C1orf185: variants seen among roughly 807,000 people sequenced by gnomAD.
The protein encoded by C1orf185 is chromosome 1 open reading frame 185.
C1orf185 carries 13 observed loss-of-function variants against 16.1 expected under a neutral mutation model. That is an observed-to-expected ratio of 0.81 (90% CI 0.53 to 1.28). The LOEUF (loss-of-function observed/expected upper bound fraction) is 1.28. Among genes scored for constraint, C1orf185 ranks in the 50% most tolerant of loss-of-function variants. The probability of loss-of-function intolerance (pLI) is 0.00; values close to 1 mark genes in which losing one functional copy is unlikely to be tolerated. For missense variants in C1orf185, 220 were observed against 225.2 expected (o/e 0.98, Z 0.15); for synonymous variants, 80 against 76.9 (o/e 1.04, Z -0.21).
chr1:51,147,651 A>G lies in C1orf185; in HGVS notation c.480A>G (p.Leu160=), dbSNP rs1570326326. 6.4e-7 allele frequency: 1 copy of G among 1,551,560 alleles called. No homozygotes were observed. Among genetic ancestry groups the G allele is most frequent in the Non-Finnish European group, 8.7e-7 (1 of 1,146,924 alleles). Residue 160 remains leucine (L), a synonymous_variant, in exon 5 of 5, where the codon CTA becomes CTG. Coordinates refer to ENST00000371759, the MANE Select transcript of C1orf185 (RefSeq NM_001136508.2). ...ATGACTGGTTTTCTGATGATTCTCT[A>G]GTGAAAAGGAACTCTCCAATGCCTT... ...AADDWFSDDS[L]VKRNSPMPSL...
At chr1:51,130,624 A>C (rs1259303293) in intron 3 of C1orf185, among the ~76,000 whole-genome samples, 2 of 152,206 alleles carry the variant, frequency 1.3e-5, no homozygotes, top group African/African-American at 4.8e-5. Flanking sequence ...TTGTCCCAAC[A>C]TCATTTGTAG....
chr1:51,115,778 CAG>C (rs1646153039), intron 2 of C1orf185, among the ~76,000 whole-genome samples: 1 of 152,036 alleles, frequency 6.6e-6, no homozygotes, highest in African/African-American at 2.4e-5. Context: ...GAGACTATTG[CAG>C]AGTCAGGGTG....
At chr1:51,123,392 A>G (rs537247727) in intron 3 of C1orf185, among the ~76,000 whole-genome samples, 3 of 152,350 alleles carry the variant, frequency 2.0e-5, no homozygotes, top group East Asian at 1.9e-4. Context: ...ATTGTATACC[A>G]TAGTTTATTT....
At chr1:51,146,336 G>A (rs1352443134) in intron 4 of C1orf185, among the ~76,000 whole-genome samples, 1 of 151,704 alleles carries the variant, frequency 6.6e-6, no homozygotes, top group Admixed American at 6.6e-5. Context: ...GCGCAGGCCT[G>A]TAATCCCAGC....
intron 3 of C1orf185, among the ~76,000 whole-genome samples, chr1:51,127,324 T>G (rs1646248771): frequency 6.6e-6 from 1 of 152,148 alleles, no homozygotes; most frequent in Admixed American, 6.5e-5. Context: ...GTTTCGCTCT[T>G]GTCGCCCAAG....
intron 1 of C1orf185, among the ~76,000 whole-genome samples, chr1:51,104,257 T>C (rs1486797167): frequency 2.6e-5 from 4 of 152,204 alleles, no homozygotes; most frequent in African/African-American, 9.6e-5. Flanking sequence ...AAGAGCAAAA[T>C]AAACAGGTAG....
At chr1:51,137,576 G>GA (rs1386199644) in intron 3 of C1orf185, among the ~76,000 whole-genome samples, 1 of 152,008 alleles carries the variant, frequency 6.6e-6, no homozygotes, top group East Asian at 1.9e-4. Flanking sequence ...AGGCTGCAGA[G>GA]AAAAAGGAAC....
chr1:51,127,885 G>GTTTTTTTT (rs769457494), intron 3 of C1orf185, among the ~76,000 whole-genome samples: 6 of 115,318 alleles, frequency 5.2e-5, no homozygotes, highest in Admixed American at 9.1e-5. Context: ...TCTTTTCTTT[G>GTTTTTTTT]TTTTTTTTTT....
chr1:51,131,296 T>A (rs1364507050), intron 3 of C1orf185, among the ~76,000 whole-genome samples: 1 of 152,224 alleles, frequency 6.6e-6, no homozygotes, highest in Non-Finnish European at 1.5e-5. Flanking sequence ...GTTGAAAAAG[T>A]AAACACAATG....
At chr1:51,127,948 C>T (rs1454042381) in intron 3 of C1orf185, among the ~76,000 whole-genome samples, 6 of 140,826 alleles carry the variant, frequency 4.3e-5, no homozygotes, top group East Asian at 2.1e-4. Context: ...AATGCAATTG[C>T]GTGATCTCAG....
chr1:51,109,113 T>C (rs1205195428), intron 1 of C1orf185, among the ~76,000 whole-genome samples: 1 of 152,214 alleles, frequency 6.6e-6, no homozygotes, highest in Non-Finnish European at 1.5e-5. Context: ...ATAATAGCCA[T>C]TCTAACTAGG....
At chr1:51,139,867 T>C (rs901408888) in intron 3 of C1orf185, among the ~76,000 whole-genome samples, 18 of 152,230 alleles carry the variant, frequency 1.2e-4, no homozygotes, top group African/African-American at 4.3e-4. Flanking sequence ...TGGCTCTACT[T>C]GGCATGTTCT....
chr1:51,118,904 AT>A, intron 3 of C1orf185, 103 bp downstream of exon 3: 2 of 951,572 alleles, frequency 2.1e-6, no homozygotes, highest in Non-Finnish European at 2.8e-6. Flanking sequence ...ATCCACTATT[AT>A]TTTTTAATTT....
rs192933529 is a variant in C1orf185 at position 51,123,023 on chromosome 1, G to A, written c.258+4222G>A. Among the ~76,000 whole-genome samples, 88 of 152,232 alleles carry A rather than the reference G, an allele frequency of 5.8e-4. 1 individual carries two copies. The highest frequency in any genetic ancestry group is 9.1e-4 in the Non-Finnish European group (62 of 68,014). Reference sequence around the variant, plus strand: ...ATGTATTTCTTACAGTCTGGAGTTCGGAAGTCTAAGGTCAAGGAGGGGCAC... The same window carrying A: ...ATGTATTTCTTACAGTCTGGAGTTCAGAAGTCTAAGGTCAAGGAGGGGCAC... On this transcript the variant is annotated intron_variant, in intron 3 of 4. Coordinates refer to ENST00000371759, the MANE Select transcript of C1orf185 (RefSeq NM_001136508.2).
rs1165859760 is a variant in C1orf185, at chr1:51,147,943, C to T, written c.*172C>T. 5.1e-6 allele frequency: 3 copies of T among 582,970 alleles called. No homozygotes were observed. The highest frequency in any genetic ancestry group is 3.8e-5 in the African/African-American group (2 of 53,324). The allele number at this position is 582,970 out of a possible 1,614,324, so 36.1% of individuals were successfully genotyped here. A position where few individuals can be genotyped will look rare whatever the true frequency, so the allele number is the denominator to read the frequency against. On this transcript the variant is annotated 3_prime_UTR_variant, in exon 5 of 5. Transcript: ENST00000371759. ...CTAATATTGCTTTTTTTGTTCTTTA[C>T]CATAGAGCGGCTCTACTTCCCTTGC...
intron 3 of C1orf185, among the ~76,000 whole-genome samples, chr1:51,143,505 T>G (rs1346364732): frequency 6.6e-6 from 1 of 152,238 alleles, no homozygotes; most frequent in Non-Finnish European, 1.5e-5. Flanking sequence ...AAGATTGTTC[T>G]TCTGTCTTTT....
chr1:51,146,045 G>T (rs1646396945), intron 4 of C1orf185, among the ~76,000 whole-genome samples: 1 of 152,154 alleles, frequency 6.6e-6, no homozygotes, highest in Non-Finnish European at 1.5e-5. Context: ...AGGATAAAAA[G>T]ATGTTGCATA....
intron 1 of C1orf185, among the ~76,000 whole-genome samples, chr1:51,105,969 A>G (rs958311624): frequency 1.3e-5 from 2 of 152,128 alleles, no homozygotes; most frequent in Non-Finnish European, 2.9e-5. Flanking sequence ...CATGTTCTTT[A>G]TATCTCATTG....
chr1:51,146,871 C>A (rs1352877141), intron 4 of C1orf185, among the ~76,000 whole-genome samples: 4 of 152,110 alleles, frequency 2.6e-5, no homozygotes, highest in Non-Finnish European at 5.9e-5. Flanking sequence ...AATTCATACA[C>A]CCTTCCCAAT....
Sources: gnomAD v4.1 joint callset for allele counts (sites outside exome capture counted in the v4.1 genomes callset) on GRCh38, gnomAD v4.1.1 for gene constraint, MANE v1.5 for transcripts, NCBI Gene and HGNC (gene_info 2026-07-23, HGNC 2026-07-21) for gene names.